The following SOX6 variants were observed in gnomAD, a reference collection of about 807,000 sequenced individuals.
SOX6 encodes the protein transcription factor SOX-6.
In SOX6, 11 loss-of-function variants were observed where a neutral mutation model predicts 97.8. That is an observed-to-expected ratio of 0.11 (90% CI 0.07 to 0.19). SOX6 has a LOEUF of 0.19. Ranked by LOEUF, SOX6 falls within the 10% of genes least tolerant of loss-of-function variation. The pLI, the probability that SOX6 is intolerant of heterozygous loss-of-function variation, is 1.00. For missense variants in SOX6, 810 were observed against 1,039.5 expected, an observed-to-expected ratio of 0.78 and a Z score of 3.04; for synonymous variants, 360 against 371.4, an observed-to-expected ratio of 0.97 and a Z score of 0.35.
intron 2 of SOX6, among the ~76,000 whole-genome samples, chr11:16,324,607 A>G (rs533502701): frequency 4.6e-5 from 7 of 152,274 alleles, no homozygotes; most frequent in East Asian, 1.9e-4. Context: ...ATAGTTGTCC[A>G]TATGTATGGG....
At chr11:16,353,128 C>CA (rs1856990162) in intron 1 of SOX6, among the ~76,000 whole-genome samples, 1 of 151,976 alleles carries the variant, frequency 6.6e-6, no homozygotes, top group South Asian at 2.1e-4. Flanking sequence ...TTTCAAGGCC[C>CA]AGAGAAATAT....
At chr11:16,322,245 T>C (rs988064452) in intron 2 of SOX6, among the ~76,000 whole-genome samples, 3 of 152,076 alleles carry the variant, frequency 2.0e-5, no homozygotes, top group Non-Finnish European at 4.4e-5. Context: ...TGGTGGGTGG[T>C]GATTAAATCA....
chr11:16,180,577 A>G, intron 6 of SOX6, among the ~76,000 whole-genome samples: 1 of 151,756 alleles, frequency 6.6e-6, no homozygotes, highest in East Asian at 1.9e-4. Context: ...CCCAAAGCAC[A>G]GAGGGATCTG....
upstream of SOX6, among the ~76,000 whole-genome samples, chr11:16,480,119 AT>A: frequency 6.6e-6 from 1 of 152,274 alleles, no homozygotes; most frequent in East Asian, 1.9e-4. Flanking sequence ...AGAATATCAA[AT>A]ACTTATGTGA....
intron 1 of SOX6, among the ~76,000 whole-genome samples, chr11:16,458,214 G>A (rs1859848014): frequency 6.6e-6 from 1 of 151,800 alleles, no homozygotes; most frequent in African/African-American, 2.4e-5. Context: ...AAGACACTCA[G>A]TTTTTCTTTT....
intron 4 of SOX6, among the ~76,000 whole-genome samples, chr11:16,202,722 AC>A (rs1851973307): frequency 6.6e-6 from 1 of 152,194 alleles, no homozygotes; most frequent in South Asian, 2.1e-4. Context: ...GTCAGTTCTA[AC>A]TAGAAGTTTC....
intron 3 of SOX6, among the ~76,000 whole-genome samples, chr11:16,639,091 A>C (rs545989566): frequency 3.9e-5 from 6 of 152,114 alleles, no homozygotes; most frequent in Non-Finnish European, 5.9e-5. Context: ...TAATTTTTGT[A>C]TAAGGTGTAA....
At chr11:16,188,828 T>C (rs7102224) in intron 4 of SOX6, among the ~76,000 whole-genome samples, 87,182 of 151,764 alleles carry the variant, frequency 0.57, 25,790 homozygotes, top group East Asian at 0.75. Flanking sequence ...TTTGGGAGGC[T>C]GAGGCAGGTG....
At chr11:16,222,491 G>A (rs1482738483) in intron 4 of SOX6, among the ~76,000 whole-genome samples, 2 of 152,088 alleles carry the variant, frequency 1.3e-5, no homozygotes, top group South Asian at 2.1e-4. Flanking sequence ...TGGGATTACA[G>A]GTCTGAGCCA....
At chr11:16,493,667 G>C (rs1207698346) in intron 4 of SOX6, among the ~76,000 whole-genome samples, 1 of 152,066 alleles carries the variant, frequency 6.6e-6, no homozygotes, top group Non-Finnish European at 1.5e-5. Context: ...TTAAAAACAA[G>C]TTTTTCTCGA....
At chr11:16,274,212 C>A (rs2134233702) in intron 3 of SOX6, among the ~76,000 whole-genome samples, 1 of 152,158 alleles carries the variant, frequency 6.6e-6, no homozygotes, top group East Asian at 1.9e-4. Flanking sequence ...ATCCCTAATG[C>A]TAAAAATAAA....
In SOX6 at chr11:16,456,689, C is replaced by T. The variant is rs117222380; in HGVS notation, c.-5+19626G>A. ...CAGTATCTGAGGACCAAAAAGGGTGCTGAAAAATGGCTCCAAAATGACAAT... is the reference window on the plus strand; with the variant it reads ...CAGTATCTGAGGACCAAAAAGGGTGTTGAAAAATGGCTCCAAAATGACAAT... On this transcript the variant is annotated intron_variant, in intron 1 of 15. Coordinates refer to the SOX6 transcript ENST00000396356. Among the ~76,000 whole-genome samples, 959 of 152,178 alleles carry T rather than the reference C, an allele frequency of 6.3e-3. 4 individuals are homozygous for T. The highest frequency in any genetic ancestry group is 0.011 in the Non-Finnish European group (763 of 67,966).
At chr11:16,529,991 G>A (rs1861217128) in intron 4 of SOX6, among the ~76,000 whole-genome samples, 1 of 151,946 alleles carries the variant, frequency 6.6e-6, no homozygotes. Flanking sequence ...GCAGTAGAAA[G>A]TCTAACTATG....
chr11:16,068,699 C>T (rs1848150839), intron 9 of SOX6, among the ~76,000 whole-genome samples: 1 of 152,036 alleles, frequency 6.6e-6, no homozygotes, highest in Non-Finnish European at 1.5e-5. Flanking sequence ...CCATTTTTTC[C>T]TTTCTTATTA....
intron 1 of SOX6, among the ~76,000 whole-genome samples, chr11:16,414,523 G>A (rs889395948): frequency 6.6e-6 from 1 of 151,872 alleles, no homozygotes; most frequent in Non-Finnish European, 1.5e-5. Flanking sequence ...ATTATATATG[G>A]TCATGTAGTA....
At chr11:16,680,807 T>A (rs1350814750) in intron 3 of SOX6, among the ~76,000 whole-genome samples, 2 of 152,160 alleles carry the variant, frequency 1.3e-5, no homozygotes, top group Non-Finnish European at 2.9e-5. Context: ...GGGGCTGCAA[T>A]CCTAGTCTCT....
At chr11:16,503,134 A>G (rs982658749) in intron 4 of SOX6, among the ~76,000 whole-genome samples, 1 of 152,194 alleles carries the variant, frequency 6.6e-6, no homozygotes, top group African/African-American at 2.4e-5. Flanking sequence ...TAAATGAAAG[A>G]GAAATAAAGT....
chr11:16,721,496 T>TTCTCTC (rs1848260988), intron 2 of SOX6, among the ~76,000 whole-genome samples: 2 of 115,162 alleles, frequency 1.7e-5, no homozygotes, highest in Non-Finnish European at 3.7e-5. Flanking sequence ...GGTGGGTCTT[T>TTCTCTC]TCTGTCTCTC....
At chr11:16,264,032 T>C (rs114925207) in intron 3 of SOX6, among the ~76,000 whole-genome samples, 1,910 of 152,050 alleles carry the variant, frequency 0.013, 41 homozygotes, top group African/African-American at 0.043. Flanking sequence ...TTAAATCCCT[T>C]TGTCTCTGTG....
Sources: gnomAD v4.1 joint callset for allele counts (sites outside exome capture counted in the v4.1 genomes callset) on GRCh38, gnomAD v4.1.1 for gene constraint, MANE v1.5 for transcripts, NCBI Gene and HGNC (gene_info 2026-07-23, HGNC 2026-07-21) for gene names.